Variants in CBLB observed in about 807,000 individuals in gnomAD.
The protein encoded by CBLB is Cbl proto-oncogene B, also known as E3 ubiquitin-protein ligase CBL-B.
A neutral mutation model predicts 104.9 loss-of-function variants in CBLB; 31 were observed. The ratio of observed to expected loss-of-function variants is 0.30; its 90% confidence interval spans 0.22 to 0.40. The LOEUF is 0.40. Ranked by LOEUF, CBLB falls within the 10% of genes least tolerant of loss-of-function variation. The pLI, the probability that CBLB is intolerant of heterozygous loss-of-function variation, is 1.00. For synonymous variants in CBLB, 440 were observed against 422.6 expected (o/e 1.04, Z -0.51); for missense variants, 1,062 against 1,214.6 (o/e 0.87, Z 1.87).
At chr3:105,810,451 C>T (rs1193465952) in intron 3 of CBLB, among the ~76,000 whole-genome samples, 1 of 152,044 alleles carries the variant, frequency 6.6e-6, no homozygotes, top group Non-Finnish European at 1.5e-5. Context: ...AGCTCACCAA[C>T]TAGCCTATTT....
intron 17 of CBLB, among the ~76,000 whole-genome samples, chr3:105,677,309 C>T (rs550631724): frequency 1.3e-5 from 2 of 148,170 alleles, no homozygotes; most frequent in African/African-American, 5.0e-5. Flanking sequence ...ACTTGTGTGT[C>T]TTATCAAATC....
At chr3:105,777,986 T>A (rs2079685720) in intron 3 of CBLB, among the ~76,000 whole-genome samples, 1 of 152,240 alleles carries the variant, frequency 6.6e-6, no homozygotes, top group Non-Finnish European at 1.5e-5. Context: ...AAACAAACTT[T>A]ATTTCTTTAT....
chr3:105,699,246 TA>T (rs1245805009), intron 12 of CBLB, among the ~76,000 whole-genome samples: 1 of 152,150 alleles, frequency 6.6e-6, no homozygotes, highest in Non-Finnish European at 1.5e-5. Flanking sequence ...TGTTTCGGTT[TA>T]AAAAACAGAC....
At chr3:105,836,937 T>A (rs1490983128) in intron 3 of CBLB, among the ~76,000 whole-genome samples, 2 of 148,282 alleles carry the variant, frequency 1.3e-5, no homozygotes. Flanking sequence ...CCCTCAAAGC[T>A]GATATGCTCA....
chr3:105,695,081 G>A (rs1342462072), intron 12 of CBLB, among the ~76,000 whole-genome samples: 6 of 151,846 alleles, frequency 4.0e-5, no homozygotes, highest in African/African-American at 1.2e-4. Flanking sequence ...TGCAGGAATA[G>A]ACACAATGTA....
chr3:105,748,875 A>C (rs1461089231), intron 5 of CBLB, among the ~76,000 whole-genome samples: 1 of 152,054 alleles, frequency 6.6e-6, no homozygotes, highest in Non-Finnish European at 1.5e-5. Context: ...CCAAATTCTA[A>C]GTGTACCTTG....
intron 3 of CBLB, among the ~76,000 whole-genome samples, chr3:105,800,121 G>A (rs965393827): frequency 2.0e-5 from 3 of 152,098 alleles, no homozygotes; most frequent in Non-Finnish European, 4.4e-5. Flanking sequence ...AATCTCTTTG[G>A]TTTGGGCCTC....
At chr3:105,749,788 AT>A in intron 5 of CBLB, 1 of 278,264 alleles carries the variant, frequency 3.6e-6, no homozygotes, top group Non-Finnish European at 7.1e-6. Flanking sequence ...GAGAGGTTCC[AT>A]TATAAAATGA....
intron 14 of CBLB, chr3:105,682,020 T>A: frequency 1.8e-6 from 1 of 544,640 alleles, no homozygotes; most frequent in East Asian, 3.1e-5. Flanking sequence ...AGTAACACAG[T>A]CTCTCTTTTT....
chr3:105,857,859 T>C (rs1194723167), intron 2 of CBLB, among the ~76,000 whole-genome samples: 2 of 152,022 alleles, frequency 1.3e-5, no homozygotes, highest in African/African-American at 4.8e-5. Context: ...TACAGGAGAA[T>C]TTAGTGCTAT....
chr3:105,735,895 G>A lies in CBLB; in HGVS notation c.1071+1276C>T, dbSNP rs946678143. ...CAGAGGGCAGAGGTTGTAGTGAGCC[G>A]AGATCGCGTCACTGCACTCCAGCCT... On this transcript the variant is annotated intron_variant, in intron 8 of 18. Coordinates refer to ENST00000394030, the MANE Select transcript of CBLB (RefSeq NM_170662.5). 5.9e-5 allele frequency among the ~76,000 whole-genome samples: 9 copies of A among 152,224 alleles called. No individual in the cohort carries two copies. In the East Asian group the frequency reaches 7.7e-4, roughly 13 times the overall value.
chr3:105,662,749 T>A (rs1431809384), intron 18 of CBLB, among the ~76,000 whole-genome samples: 1 of 152,226 alleles, frequency 6.6e-6, no homozygotes, highest in Non-Finnish European at 1.5e-5. Context: ...CCAGCCCTTG[T>A]GTTGTTCACT....
chr3:105,780,086 CA>C (rs1385711583), intron 3 of CBLB, among the ~76,000 whole-genome samples: 2 of 151,868 alleles, frequency 1.3e-5, no homozygotes. Context: ...CTCCTGACCT[CA>C]GGTGATCTAA....
chr3:105,716,837 G>C (rs940568031), intron 10 of CBLB, among the ~76,000 whole-genome samples: 3 of 152,130 alleles, frequency 2.0e-5, no homozygotes, highest in Non-Finnish European at 4.4e-5. Flanking sequence ...GGACAATAAT[G>C]CTTGAGATCA....
intron 8 of CBLB, among the ~76,000 whole-genome samples, chr3:105,736,646 T>C (rs1197324619): frequency 6.6e-6 from 1 of 152,146 alleles, no homozygotes; most frequent in Non-Finnish European, 1.5e-5. Flanking sequence ...AAGTGATATA[T>C]ATGGGATCTA....
chr3:105,867,050 A>G (rs1221917147), intron 2 of CBLB, among the ~76,000 whole-genome samples: 2 of 152,238 alleles, frequency 1.3e-5, no homozygotes, highest in Non-Finnish European at 2.9e-5. Flanking sequence ...AGACTTAAAT[A>G]ACCTGCTGGT....
chr3:105,735,428 A>AGT, intron 8 of CBLB, among the ~76,000 whole-genome samples: 1 of 152,240 alleles, frequency 6.6e-6, no homozygotes, highest in Non-Finnish European at 1.5e-5. Context: ...AAAAATATGC[A>AGT]ATTATAAAAA....
chr3:105,805,433 T>C (rs956063025), intron 3 of CBLB, among the ~76,000 whole-genome samples: 2 of 151,752 alleles, frequency 1.3e-5, no homozygotes, highest in African/African-American at 4.8e-5. Context: ...GCTTCCCAAA[T>C]AGTTGGGATT....
rs751482756 is a variant in CBLB at position 105,704,043 on chromosome 3, A to G, written c.1538T>C (p.Leu513Pro). The G allele has an allele frequency of 6.2e-7, 1 of 1,614,188 alleles. No homozygotes were observed. The highest frequency in any genetic ancestry group is 1.1e-5 in the South Asian group (1 of 91,084). Reference protein sequence around the residue: ...SLPPVPPRLDLIQKGIVRSPC... With the variant: ...SLPPVPPRLDPIQKGIVRSPC... Reference sequence around the variant, plus strand: ...AGATCTAACTATGCCTTTCTGAATTAGATCCAGGCGAGGAGGCACGGGTGG... The same window carrying G: ...AGATCTAACTATGCCTTTCTGAATTGGATCCAGGCGAGGAGGCACGGGTGG... The change falls in exon 11 of 19, where the codon CTA becomes CCA. Residue 513 changes from leucine (L) to proline (P), a missense_variant. Physicochemically the swap from Leu to Pro is moderately conservative, Grantham distance 98. Transcript: ENST00000394030.
Sources: gnomAD v4.1 joint callset for allele counts (sites outside exome capture counted in the v4.1 genomes callset) on GRCh38, gnomAD v4.1.1 for gene constraint, MANE v1.5 for transcripts, NCBI Gene and HGNC (gene_info 2026-07-23, HGNC 2026-07-21) for gene names.